The following ASXL2 variants were observed in gnomAD, a reference collection of about 807,000 sequenced individuals.
ASXL2 encodes the protein putative Polycomb group protein ASXL2.
Under a neutral mutation model 122.0 loss-of-function variants are expected in ASXL2, and 23 were observed. The ratio of observed to expected loss-of-function variants is 0.19; its 90% confidence interval spans 0.14 to 0.27. ASXL2 has a LOEUF of 0.27. ASXL2 is among the 10% of genes least tolerant of loss of function. The probability of loss-of-function intolerance (pLI) is 1.00; values close to 1 mark genes in which losing one functional copy is unlikely to be tolerated. For synonymous variants in ASXL2, 650 were observed against 637.0 expected, an observed-to-expected ratio of 1.02 and a Z score of -0.31; for missense variants, 1,518 against 1,713.8, an observed-to-expected ratio of 0.89 and a Z score of 2.02.
At position 25,737,887 on chromosome 2, in the gene ASXL2, C is replaced by T. The variant is rs573428997; in HGVS notation, c.*4142G>A. 11 of 152,202 alleles carry T rather than the reference C, an allele frequency of 7.2e-5. No homozygotes were observed. Among genetic ancestry groups the T allele is most frequent in the African/African-American group, 2.4e-4 (10 of 41,530 alleles). 9.4% of individuals were successfully genotyped at this position (152,202 alleles called of 1,614,324 possible). ...TACATACCCTCAATTCCAATGTTAA[C>T]AATTCCTTTAAAAAGGCAAAAGACA... On this transcript the variant is annotated 3_prime_UTR_variant, in exon 13 of 13. Transcript: ENST00000435504.
At chr2:25,776,194 A>G (rs1421433525) in intron 5 of ASXL2, among the ~76,000 whole-genome samples, 1 of 152,168 alleles carries the variant, frequency 6.6e-6, no homozygotes, top group Non-Finnish European at 1.5e-5. Flanking sequence ...GGTCCTAGGT[A>G]ACCAGTAATC....
chr2:25,825,051 T>C (rs1211753744), intron 3 of ASXL2, among the ~76,000 whole-genome samples: 1 of 152,240 alleles, frequency 6.6e-6, no homozygotes, highest in African/African-American at 2.4e-5. Context: ...TTCTGAATCA[T>C]TGCATTGTGA....
At chr2:25,847,521 T>C (rs2089662563) in intron 1 of ASXL2, among the ~76,000 whole-genome samples, 1 of 152,186 alleles carries the variant, frequency 6.6e-6, no homozygotes, top group Non-Finnish European at 1.5e-5. Flanking sequence ...TATTAAAAAC[T>C]TGTAAAACTT....
intron 5 of ASXL2, 22 bp from the exon 6 acceptor site, chr2:25,771,562 T>G (rs1358658672): frequency 1.3e-6 from 2 of 1,585,992 alleles, no homozygotes; most frequent in Non-Finnish European, 1.7e-6. Context: ...AAAGTGACAA[T>G]AAAAGATTTT....
chr2:25,856,547 G>T, intron 1 of ASXL2: 3 of 1,129,058 alleles, frequency 2.7e-6, no homozygotes, highest in Non-Finnish European at 4.0e-6. Context: ...TGAGTTGGTT[G>T]TATTTCGCCA....
At chr2:25,783,485 T>C (rs2088680719) in intron 5 of ASXL2, among the ~76,000 whole-genome samples, 1 of 147,560 alleles carries the variant, frequency 6.8e-6, no homozygotes, top group Admixed American at 6.7e-5. Flanking sequence ...ATTTTTCTCT[T>C]CTAATTTAGT....
chr2:25,774,985 A>G (rs2088521806), intron 5 of ASXL2, among the ~76,000 whole-genome samples: 1 of 151,846 alleles, frequency 6.6e-6, no homozygotes, highest in Non-Finnish European at 1.5e-5. Flanking sequence ...CTGTTATTTC[A>G]TTTTGCCTGT....
chr2:25,784,762 A>G (rs2088709721), intron 5 of ASXL2, among the ~76,000 whole-genome samples: 1 of 152,212 alleles, frequency 6.6e-6, no homozygotes, highest in African/African-American at 2.4e-5. Context: ...TAAAGACACT[A>G]GTCTTAGTGG....
At chr2:25,870,070 G>A (rs2089951446) in intron 1 of ASXL2, among the ~76,000 whole-genome samples, 1 of 152,048 alleles carries the variant, frequency 6.6e-6, no homozygotes, top group Non-Finnish European at 1.5e-5. Context: ...TATGATGAAA[G>A]AAGCATTCGT....
rs572546005 is a variant in ASXL2 at position 25,837,780 on chromosome 2, G to A, written c.141-2240C>T. On this transcript the variant is annotated intron_variant, in intron 2 of 12. Coordinates refer to ENST00000435504, the MANE Select transcript of ASXL2 (RefSeq NM_018263.6). Reference sequence around the variant, plus strand: ...TGGGAGAATCACTTGAGGCTGGGAGGTTGAGGCTGCAGTGAGCCGTGATTA... The same window carrying A: ...TGGGAGAATCACTTGAGGCTGGGAGATTGAGGCTGCAGTGAGCCGTGATTA... Among the ~76,000 whole-genome samples, 3 of 151,660 alleles carry A rather than the reference G, an allele frequency of 2.0e-5. No homozygotes were observed. The South Asian group carries it at 6.2e-4, about 32-fold the overall frequency.
At position 25,742,030 on chromosome 2, in the gene ASXL2, T is replaced by C. The variant is rs1031402463; in HGVS notation, c.4307A>G (p.Ter1436=). The change falls in exon 13 of 13, where the codon TAA becomes TGA. Residue 1436 remains the stop codon, a stop_retained_variant. Transcript: ENST00000435504. ...ACAGTGTATCTCTTTCTAGTCTCATTACCGAACGACAAGGCAGGAGACGCA... is the reference window on the plus strand; with the variant it reads ...ACAGTGTATCTCTTTCTAGTCTCATCACCGAACGACAAGGCAGGAGACGCA... The part of the protein sequence containing the change: ...KLCVSCLVVR[*] 4 of 1,610,322 alleles carry C rather than the reference T, an allele frequency of 2.5e-6. No homozygotes were observed. Among genetic ancestry groups the C allele is most frequent in the Non-Finnish European group, 3.4e-6 (4 of 1,177,464 alleles).
chr2:25,828,019 G>A (rs1413852364), intron 3 of ASXL2, among the ~76,000 whole-genome samples: 1 of 151,316 alleles, frequency 6.6e-6, no homozygotes, highest in African/African-American at 2.4e-5. Flanking sequence ...GCATTAACAA[G>A]TGGGCAAAAC....
chr2:25,742,950 A>G lies in ASXL2; in HGVS notation c.3387T>C (p.Ser1129=), dbSNP rs759907363. 3 of 1,613,906 alleles carry G rather than the reference A, an allele frequency of 1.9e-6. No individual in the cohort carries two copies. The African/African-American group carries it at 4.0e-5, about 22-fold the overall frequency. ...AMAGHYLLNI[S]TYGRGSESFR... is the part of the protein sequence containing the mutation. ...AGCTCTCTGAGCCCCGGCCGTAGGT[A>G]GAAATATTCAGTAAGTAGTGCCCTG... The change falls in exon 13 of 13, where the codon TCT becomes TCC. Residue 1129 remains serine (S), a synonymous_variant. Transcript: ENST00000435504.
intron 1 of ASXL2, among the ~76,000 whole-genome samples, chr2:25,862,875 G>A (rs1410813417): frequency 6.6e-6 from 1 of 151,844 alleles, no homozygotes; most frequent in Non-Finnish European, 1.5e-5. Context: ...CAAAGTGCTG[G>A]GATTACAGGT....
intron 2 of ASXL2, among the ~76,000 whole-genome samples, chr2:25,840,637 G>C (rs962528997): frequency 1.3e-5 from 2 of 152,112 alleles, no homozygotes; most frequent in African/African-American, 4.8e-5. Flanking sequence ...TTTTGGGTCT[G>C]GCTTACTTCA....
intron 5 of ASXL2, among the ~76,000 whole-genome samples, chr2:25,780,030 G>A (rs914475505): frequency 1.3e-5 from 2 of 152,140 alleles, no homozygotes; most frequent in African/African-American, 2.4e-5. Flanking sequence ...ACCATGCCCA[G>A]CTAATTGTAT....
Position 25,743,635 on chromosome 2 carries a change from A to C in ASXL2, c.2702T>G (p.Val901Gly). Residue 901 changes from valine to glycine, a missense_variant, in exon 13 of 13, where the codon GTA (valine) becomes GGA (glycine). Transcript: ENST00000435504. ...TGCTGTAGTTGCACTGACCTGGGGT[A>C]CAGGAAGCTTTTCTAAAGTGGCTGT... The part of the protein sequence containing the change: ...LTTATLEKLP[V>G]PQVSATTAPA... 1 of 1,614,008 alleles carries C rather than the reference A, an allele frequency of 6.2e-7. No individual in the cohort carries two copies. Among genetic ancestry groups the C allele is most frequent in the South Asian group, 1.1e-5 (1 of 91,086 alleles).
chr2:25,771,903 C>T (rs1258857523), intron 5 of ASXL2, among the ~76,000 whole-genome samples: 1 of 152,194 alleles, frequency 6.6e-6, no homozygotes, highest in Non-Finnish European at 1.5e-5. Flanking sequence ...CAACACGATA[C>T]AGTGGAAGGG....
intron 2 of ASXL2, among the ~76,000 whole-genome samples, chr2:25,845,089 G>A (rs778394586): frequency 7.9e-5 from 12 of 151,752 alleles, no homozygotes; most frequent in Non-Finnish European, 1.6e-4. Context: ...ATCCTTTTTA[G>A]CCAGCATTAT....
Sources: gnomAD v4.1 joint callset for allele counts (sites outside exome capture counted in the v4.1 genomes callset) on GRCh38, gnomAD v4.1.1 for gene constraint, MANE v1.5 for transcripts, NCBI Gene and HGNC (gene_info 2026-07-23, HGNC 2026-07-21) for gene names.